Variants in GRK5 observed in about 807,000 individuals in gnomAD.
The protein encoded by GRK5 is G protein-coupled receptor kinase 5.
Under a neutral mutation model 78.4 loss-of-function variants are expected in GRK5, and 40 were observed. The ratio of observed to expected loss-of-function variants is 0.51; its 90% CI spans 0.40 to 0.66. The LOEUF (loss-of-function observed/expected upper bound fraction) is 0.66. GRK5 is among the 30% of genes least tolerant of loss of function. The pLI is 0.00. For synonymous variants in GRK5, 289 were observed against 296.8 expected (o/e 0.97, Z 0.27); for missense variants, 598 against 759.9 (o/e 0.79, Z 2.50).
intron 1 of GRK5, among the ~76,000 whole-genome samples, chr10:119,269,823 A>G (rs1290888238): frequency 1.6e-5 from 2 of 127,768 alleles, no homozygotes; most frequent in South Asian, 2.6e-4. Flanking sequence ...ATGGAGTGAG[A>G]CTCCATCTTA....
chr10:119,354,843 A>AGTTG, intron 2 of GRK5, among the ~76,000 whole-genome samples: 1 of 152,324 alleles, frequency 6.6e-6, no homozygotes, highest in South Asian at 2.1e-4. Flanking sequence ...CAAAACCCTG[A>AGTTG]GTATTGGAAA....
At chr10:119,376,551 T>G (rs1439103102) in intron 2 of GRK5, among the ~76,000 whole-genome samples, 1 of 137,728 alleles carries the variant, frequency 7.3e-6, no homozygotes, top group African/African-American at 2.7e-5. Context: ...CATACCCTAC[T>G]CCCTAATGCC....
chr10:119,300,013 C>T (rs1850148674), intron 1 of GRK5, among the ~76,000 whole-genome samples: 2 of 152,096 alleles, frequency 1.3e-5, no homozygotes, highest in African/African-American at 4.8e-5. Flanking sequence ...AGCAGATGTT[C>T]TTAAGGGGAA....
At chr10:119,324,553 G>A (rs564371606) in intron 1 of GRK5, among the ~76,000 whole-genome samples, 17 of 152,262 alleles carry the variant, frequency 1.1e-4, no homozygotes, top group African/African-American at 4.1e-4. Flanking sequence ...GCTTGAACCC[G>A]GGAGAGGCAG....
At chr10:119,411,801 C>G (rs1239111934) in intron 4 of GRK5, among the ~76,000 whole-genome samples, 3 of 149,944 alleles carry the variant, frequency 2.0e-5, no homozygotes, top group African/African-American at 7.3e-5. Flanking sequence ...CAAACAAAAC[C>G]CTAAAGCTTC....
chr10:119,294,466 C>G (rs1320717325), intron 1 of GRK5, among the ~76,000 whole-genome samples: 1 of 152,174 alleles, frequency 6.6e-6, no homozygotes, highest in African/African-American at 2.4e-5. Flanking sequence ...AACCTGCCGC[C>G]AGCCACCTGT....
At chr10:119,291,932 T>A in intron 1 of GRK5, among the ~76,000 whole-genome samples, 1 of 89,520 alleles carries the variant, frequency 1.1e-5, no homozygotes, top group South Asian at 5.2e-4. Flanking sequence ...TCCTCCTTCT[T>A]TTCCTCCTCT....
chr10:119,453,310 A>G (rs200186039), intron 15 of GRK5, 34 bp downstream of exon 15: 229 of 1,612,220 alleles, frequency 1.4e-4, no homozygotes, highest in Middle Eastern at 1.0e-3. Flanking sequence ...TCCTGGCATC[A>G]GCTCCGAGAC....
chr10:119,368,500 C>T (rs1851488848), intron 2 of GRK5, among the ~76,000 whole-genome samples: 1 of 152,210 alleles, frequency 6.6e-6, no homozygotes, highest in African/African-American at 2.4e-5. Context: ...ACCAGGCTCA[C>T]AGCCCCACTG....
chr10:119,230,830 CAAA>C (rs5788332), intron 1 of GRK5, among the ~76,000 whole-genome samples: 4 of 61,522 alleles, frequency 6.5e-5, no homozygotes, highest in Admixed American at 2.2e-4. Flanking sequence ...GACCCTATCT[CAAA>C]AAAAAAAAAA....
intron 1 of GRK5, among the ~76,000 whole-genome samples, chr10:119,301,349 C>G (rs1850178591): frequency 6.6e-6 from 1 of 152,178 alleles, no homozygotes; most frequent in South Asian, 2.1e-4. Flanking sequence ...AGGCTGGCTC[C>G]TTTCACTCAC....
intron 1 of GRK5, among the ~76,000 whole-genome samples, chr10:119,262,079 A>T (rs1849417034): frequency 6.6e-6 from 1 of 152,230 alleles, no homozygotes; most frequent in African/African-American, 2.4e-5. Context: ...ACTCACTTTC[A>T]TTCTGTACAT....
intron 6 of GRK5, among the ~76,000 whole-genome samples, chr10:119,428,119 C>T (rs1852739290): frequency 6.6e-6 from 1 of 152,256 alleles, no homozygotes; most frequent in South Asian, 2.1e-4. Flanking sequence ...CATGCCCACG[C>T]CCGGTTCTGG....
intron 1 of GRK5, among the ~76,000 whole-genome samples, chr10:119,248,646 C>T (rs897981703): frequency 4.6e-5 from 7 of 152,106 alleles, no homozygotes; most frequent in Admixed American, 3.9e-4. Flanking sequence ...ATGGCAAATC[C>T]ACCCCGCTGT....
intron 9 of GRK5, among the ~76,000 whole-genome samples, chr10:119,439,015 T>C (rs933376264): frequency 1.3e-5 from 2 of 152,234 alleles, no homozygotes; most frequent in Non-Finnish European, 2.9e-5. Context: ...GTTTGCCCCA[T>C]GGCTTAACTG....
Position 119,249,021 on chromosome 10 carries a change from C to T in GRK5, c.52+41052C>T, listed in dbSNP as rs578145849. On this transcript the variant is annotated intron_variant, in intron 1 of 15. Coordinates refer to ENST00000392870, the MANE Select transcript of GRK5 (RefSeq NM_005308.3). ...CGGTGGCTCATGCCTGTAATCCCAG[C>T]ATTTTGGGAGGCTGAGGTGGGTGGA... Among the ~76,000 whole-genome samples, 13 of 152,270 alleles carry T rather than the reference C, an allele frequency of 8.5e-5. No homozygotes were observed. In the East Asian group the frequency reaches 2.5e-3, roughly 29 times the overall value.
At chr10:119,449,246 C>T (rs1030336635) in intron 13 of GRK5, among the ~76,000 whole-genome samples, 1 of 152,240 alleles carries the variant, frequency 6.6e-6, no homozygotes, top group African/African-American at 2.4e-5. Flanking sequence ...AGGGCCTCTG[C>T]GTCCCCCTCT....
At position 119,396,745 on chromosome 10, in the gene GRK5, A is replaced by T. The variant is rs1406031089; in HGVS notation, c.312A>T (p.Glu104Asp). ...AAAAACTGGGAGAGAAAGGGAAGGAAATTATGACCAAGTACCTCACCCCAA... is the reference window on the plus strand; with the variant it reads ...AAAAACTGGGAGAGAAAGGGAAGGATATTATGACCAAGTACCTCACCCCAA... ...PDEKLGEKGK[E>D]IMTKYLTPKS... Residue 104 changes from glutamate (E) to aspartate (D), a missense_variant, in exon 4 of 16, where the codon GAA becomes GAT. By Grantham distance (45) the Glu-to-Asp change is conservative. Coordinates refer to ENST00000392870, the MANE Select transcript of GRK5 (RefSeq NM_005308.3). The T allele has an allele frequency of 6.2e-7, 1 of 1,613,650 alleles. No individual in the cohort carries two copies. Among genetic ancestry groups the T allele is most frequent in the African/African-American group, 1.3e-5 (1 of 74,918 alleles).
intron 1 of GRK5, among the ~76,000 whole-genome samples, chr10:119,292,141 TC>T (rs1849987590): frequency 2.7e-5 from 2 of 75,340 alleles, no homozygotes; most frequent in African/African-American, 5.5e-5. Flanking sequence ...TTCCTCCTTC[TC>T]CTCCTCTTCC....
Sources: gnomAD v4.1 joint callset for allele counts (sites outside exome capture counted in the v4.1 genomes callset) on GRCh38, gnomAD v4.1.1 for gene constraint, MANE v1.5 for transcripts, NCBI Gene and HGNC (gene_info 2026-07-23, HGNC 2026-07-21) for gene names.